The following PIEZO2 variants were observed in gnomAD, a reference collection of about 807,000 sequenced individuals.
PIEZO2 encodes the protein piezo type mechanosensitive ion channel component 2.
A neutral mutation model predicts 337.3 loss-of-function variants in PIEZO2; 172 were observed. That is an observed-to-expected ratio of 0.51 (90% CI 0.45 to 0.58). The LOEUF (loss-of-function observed/expected upper bound fraction) is 0.58, where lower values mean the gene tolerates loss of function less well. Among genes scored for constraint, PIEZO2 ranks in the 20% least tolerant of loss-of-function variants. PIEZO2 has a pLI of 0.00. For missense variants in PIEZO2, 3,028 were observed against 3,391.3 expected, an observed-to-expected ratio of 0.89 and a Z score of 2.66; for synonymous variants, 1,251 against 1,228.5, an observed-to-expected ratio of 1.02 and a Z score of -0.38.
In PIEZO2 at chr18:11,070,457, G is replaced by A. The variant is rs1034158298; in HGVS notation, c.65-4235C>T. On this transcript the variant is annotated intron_variant, in intron 1 of 55. Transcript: ENST00000674853. This position sits in a 1 kb window ranked among gnomAD's most constrained non-coding sequence, Gnocchi z 4.3. ...AAAGAGAGGCACGAAGGAGGCAGGTGTTTGTCTTAGCTCTGCCTACATGTG... is the reference window on the plus strand; with the variant it reads ...AAAGAGAGGCACGAAGGAGGCAGGTATTTGTCTTAGCTCTGCCTACATGTG... 1.3e-5 allele frequency among the ~76,000 whole-genome samples: 2 copies of A among 152,160 alleles called. No homozygotes were observed. The highest frequency in any genetic ancestry group is 4.8e-5 in the African/African-American group (2 of 41,430).
In PIEZO2 at chr18:10,979,437, T is replaced by G; in HGVS notation, c.286+98A>C. 1 of 1,209,430 alleles carries G rather than the reference T, an allele frequency of 8.3e-7. No homozygotes were observed. Among genetic ancestry groups the G allele is most frequent in the Non-Finnish European group, 1.1e-6 (1 of 937,874 alleles). 74.9% of individuals were successfully genotyped at this position (1,209,430 alleles called of 1,614,324 possible). On this transcript the variant is annotated intron_variant, in intron 3 of 55. Coordinates refer to ENST00000674853, the MANE Select transcript of PIEZO2 (RefSeq NM_001378183.1). This position sits in a 1 kb window ranked among gnomAD's most constrained non-coding sequence, Gnocchi z 4.0. Reference sequence around the variant, plus strand: ...TCCATGAATTTTATAATTTAATTATTGCATAGATTTCTATGTGTGCGATGA... The same window carrying G: ...TCCATGAATTTTATAATTTAATTATGGCATAGATTTCTATGTGTGCGATGA...
chr18:11,146,938 A>G lies in PIEZO2; in HGVS notation c.64+1587T>C, dbSNP rs1286733221. On this transcript the variant is annotated intron_variant, in intron 1 of 55. Coordinates refer to ENST00000674853, the MANE Select transcript of PIEZO2 (RefSeq NM_001378183.1). This position sits in a 1 kb window ranked among gnomAD's most constrained non-coding sequence, Gnocchi z 6.1. ...TTTAACCTTAGTGCCACTCCCCAGG[A>G]CCCCTCCCCGGTCTGCACTGAGGAC... 6.6e-6 allele frequency among the ~76,000 whole-genome samples: 1 copy of G among 151,762 alleles called. No individual in the cohort carries two copies. Among genetic ancestry groups the G allele is most frequent in the East Asian group, 1.9e-4 (1 of 5,156 alleles).
At chr18:10,944,718 G>A (rs1054032047) in intron 3 of PIEZO2, among the ~76,000 whole-genome samples, 2 of 151,866 alleles carry the variant, frequency 1.3e-5, no homozygotes, top group African/African-American at 4.8e-5. Context: ...TGAAATTGAT[G>A]AGACAGTGTC....
At chr18:10,792,237 C>T (rs1161120507) in intron 13 of PIEZO2, among the ~76,000 whole-genome samples, 1 of 152,202 alleles carries the variant, frequency 6.6e-6, no homozygotes, top group Non-Finnish European at 1.5e-5. Context: ...GCATAAGCCA[C>T]CATGCCTGGT....
chr18:11,000,718 C>G (rs2035501302), intron 2 of PIEZO2, among the ~76,000 whole-genome samples: 1 of 152,210 alleles, frequency 6.6e-6, no homozygotes, highest in African/African-American at 2.4e-5. Context: ...CTGTCCTAGG[C>G]TGGCTTACCA....
chr18:11,121,391 C>CA (rs1420619718), intron 1 of PIEZO2, among the ~76,000 whole-genome samples: 1 of 151,832 alleles, frequency 6.6e-6, no homozygotes, highest in Non-Finnish European at 1.5e-5. Context: ...CCTGTCTCTA[C>CA]AAAAAAATTA....
At chr18:10,700,179 G>C (rs977580585) in intron 43 of PIEZO2, among the ~76,000 whole-genome samples, 1 of 151,966 alleles carries the variant, frequency 6.6e-6, no homozygotes, top group East Asian at 1.9e-4. Flanking sequence ...CATATATTTA[G>C]ATTATTTCAC....
At position 10,813,503 on chromosome 18, in the gene PIEZO2, T is replaced by G. The variant is rs1363374343; in HGVS notation, c.918-6229A>C. On this transcript the variant is annotated intron_variant, in intron 7 of 55. Coordinates refer to ENST00000674853, the MANE Select transcript of PIEZO2 (RefSeq NM_001378183.1). This position sits in a 1 kb window ranked among gnomAD's most constrained non-coding sequence, Gnocchi z 4.2. ...CTTATTTAGTGGAACCATCCAATATTTGTCTTTTGTGACTGTCTTATTTTA... is the reference window on the plus strand; with the variant it reads ...CTTATTTAGTGGAACCATCCAATATGTGTCTTTTGTGACTGTCTTATTTTA... Among the ~76,000 whole-genome samples the G allele has an allele frequency of 6.6e-6, 1 of 152,184 alleles. No individual in the cohort carries two copies. The highest frequency in any genetic ancestry group is 1.5e-5 in the Non-Finnish European group (1 of 68,020).
At chr18:10,789,039 G>T (rs1244110014) in intron 15 of PIEZO2, 40 bp downstream of exon 15, 2 of 1,508,248 alleles carry the variant, frequency 1.3e-6, no homozygotes, top group Non-Finnish European at 8.8e-7. Context: ...TATACTCCTG[G>T]GAGAGATGTG....
chr18:10,912,449 T>C (rs745508794), intron 3 of PIEZO2, among the ~76,000 whole-genome samples: 2 of 152,190 alleles, frequency 1.3e-5, no homozygotes, highest in Non-Finnish European at 2.9e-5. Context: ...CACTAGGTGC[T>C]TGATAATCAC....
chr18:10,705,222 A>G, intron 41 of PIEZO2, 114 bp downstream of exon 41: 1 of 1,296,938 alleles, frequency 7.7e-7, no homozygotes, highest in Non-Finnish European at 1.0e-6. Context: ...TGTTTGCTCT[A>G]AGTGTCCAGA....
rs557405705 is a variant in PIEZO2 at position 11,018,211 on chromosome 18, G to T, written c.161-38551C>A. 4.2e-5 allele frequency among the ~76,000 whole-genome samples: 6 copies of T among 143,944 alleles called. No homozygotes were observed. The Admixed American group carries it at 4.2e-4, about 10-fold the overall frequency. The allele number at this position is 143,944 out of a possible 152,430, so 94.4% of individuals were successfully genotyped here. On this transcript the variant is annotated intron_variant, in intron 2 of 55. Transcript: ENST00000674853. ...ATCGCATGGTGGTGGTGGTGGTGGT[G>T]GTGGTGGTGGTGTGTGTGTGTGTGT...
intron 1 of PIEZO2, among the ~76,000 whole-genome samples, chr18:11,120,844 G>A (rs981533153): frequency 6.6e-6 from 1 of 152,186 alleles, no homozygotes. Flanking sequence ...GTCAGAGAAA[G>A]AATATATCTT....
chr18:10,714,251 T>C (rs2035927455), intron 39 of PIEZO2, among the ~76,000 whole-genome samples: 1 of 152,184 alleles, frequency 6.6e-6, no homozygotes, highest in South Asian at 2.1e-4. Context: ...TACTGTGTCA[T>C]CTGACAATCC....
intron 18 of PIEZO2, among the ~76,000 whole-genome samples, chr18:10,777,349 T>C (rs749205174): frequency 2.0e-5 from 3 of 152,226 alleles, no homozygotes; most frequent in Non-Finnish European, 2.9e-5. Flanking sequence ...AATGTGTGTG[T>C]TTCTCCATTT....
chr18:10,748,680 T>C lies in PIEZO2; in HGVS notation c.4265-50A>G, dbSNP rs377022753. ...CATTAAAATTAACATCCATTTTCAT[T>C]GTAATTTTATAAAATCTGAGGTATG... is the stretch of plus-strand genomic sequence containing the variant. On this transcript the variant is annotated intron_variant, in intron 29 of 55. Coordinates refer to ENST00000674853, the MANE Select transcript of PIEZO2 (RefSeq NM_001378183.1). The surrounding 1 kb of genome is among the most constrained non-coding windows in gnomAD (Gnocchi z 5.1). 2 of 1,386,332 alleles carry C rather than the reference T, an allele frequency of 1.4e-6. No individual in the cohort carries two copies. 85.9% of individuals were successfully genotyped at this position (1,386,332 alleles called of 1,614,324 possible).
intron 3 of PIEZO2, among the ~76,000 whole-genome samples, chr18:10,958,176 C>T (rs1191914497): frequency 2.0e-5 from 3 of 152,114 alleles, no homozygotes; most frequent in Non-Finnish European, 4.4e-5. Context: ...AAAGTATATA[C>T]ACAATGGAAT....
chr18:11,100,190 G>A (rs1598959198), intron 1 of PIEZO2, among the ~76,000 whole-genome samples: 1 of 152,180 alleles, frequency 6.6e-6, no homozygotes, highest in East Asian at 1.9e-4. Context: ...TAAAAGTTTA[G>A]ACTTGAAAGA....
At chr18:10,740,420 C>A (rs1383764878) in intron 33 of PIEZO2, 1 of 152,544 alleles carries the variant, frequency 6.6e-6, no homozygotes, top group Admixed American at 6.5e-5. Context: ...ATTTAGAGTG[C>A]CTTTTTGAAA....
Sources: gnomAD v4.1 joint callset for allele counts (sites outside exome capture counted in the v4.1 genomes callset) on GRCh38, gnomAD v4.1.1 for gene constraint, Gnocchi (gnomAD v3.1) non-coding constraint, MANE v1.5 for transcripts, NCBI Gene and HGNC (gene_info 2026-07-23, HGNC 2026-07-21) for gene names.